The following STOX2 variants were observed in gnomAD, a reference collection of about 807,000 sequenced individuals.
The protein encoded by STOX2 is storkhead-box protein 2.
In STOX2, 28 loss-of-function variants were observed where a neutral mutation model predicts 60.9. The ratio of observed to expected loss-of-function variants is 0.46; its 90% CI spans 0.34 to 0.63. The LOEUF (loss-of-function observed/expected upper bound fraction) is 0.63, where lower values mean the gene tolerates loss of function less well. STOX2 is among the 30% of genes least tolerant of loss of function. The probability of loss-of-function intolerance (pLI) is 0.01; values close to 1 mark genes in which losing one functional copy is unlikely to be tolerated. For synonymous variants in STOX2, 472 were observed against 463.9 expected, an observed-to-expected ratio of 1.02 and a Z score of -0.22; for missense variants, 1,024 against 1,187.7, an observed-to-expected ratio of 0.86 and a Z score of 2.03.
intron 1 of STOX2, among the ~76,000 whole-genome samples, chr4:183,917,175 A>G (rs1741955809): frequency 1.3e-5 from 2 of 152,206 alleles, no homozygotes; most frequent in African/African-American, 2.4e-5. Context: ...CAGTGGCTTC[A>G]GTGGACTCTG....
At chr4:183,800,066 G>A (rs1170136541) in intron 1 of STOX2, among the ~76,000 whole-genome samples, 7 of 151,584 alleles carry the variant, frequency 4.6e-5, no homozygotes, top group African/African-American at 1.7e-4. Flanking sequence ...ACTGCCTGGG[G>A]GGTGGGGTGG....
intron 1 of STOX2, among the ~76,000 whole-genome samples, chr4:183,845,519 C>T (rs1340707076): frequency 6.6e-6 from 1 of 152,066 alleles, no homozygotes; most frequent in Admixed American, 6.6e-5. Context: ...AAGTGGAGAG[C>T]CATCTGAGGC....
At chr4:183,840,446 C>G (rs1200646903) in intron 1 of STOX2, among the ~76,000 whole-genome samples, 1 of 152,148 alleles carries the variant, frequency 6.6e-6, no homozygotes, top group African/African-American at 2.4e-5. Context: ...ATGGCAGAAG[C>G]CATCTGACGT....
At chr4:184,007,413 C>T (rs774483487) in intron 2 of STOX2, among the ~76,000 whole-genome samples, 3 of 152,146 alleles carry the variant, frequency 2.0e-5, no homozygotes, top group Non-Finnish European at 4.4e-5. Flanking sequence ...TTCCGTGGGT[C>T]CCGACCCAAA....
rs1032509834 is a variant in STOX2 at position 183,969,320 on chromosome 4, A to G, written c.167-32005A>G. 2.6e-5 allele frequency among the ~76,000 whole-genome samples: 4 copies of G among 152,248 alleles called. No homozygotes were observed. In the East Asian group the frequency reaches 7.7e-4, roughly 29 times the overall value. On this transcript the variant is annotated intron_variant, in intron 1 of 3. Transcript: ENST00000308497. ...AATGCAGCATGGTTTTTTATTATAG[A>G]AGAGCTTACAGACAACTTGTATTGA...
chr4:183,820,863 A>T lies in STOX2; in HGVS notation c.364+22808A>T, dbSNP rs951638801. On this transcript the variant is annotated intron_variant, in intron 1 of 2. Transcript: ENST00000513034. ...GGTGGTTAACTCCTATAGTCCCAGCACTGTGGTAGGCCGAGGTAGAAGGAT... is the reference window on the plus strand; with the variant it reads ...GGTGGTTAACTCCTATAGTCCCAGCTCTGTGGTAGGCCGAGGTAGAAGGAT... Among the ~76,000 whole-genome samples the T allele has an allele frequency of 3.6e-4, 54 of 152,060 alleles. 1 individual carries two copies. The highest frequency in any genetic ancestry group is 8.8e-5 in the Non-Finnish European group (6 of 68,002).
At chr4:183,805,946 C>T (rs934448902) in intron 1 of STOX2, among the ~76,000 whole-genome samples, 1 of 152,160 alleles carries the variant, frequency 6.6e-6, no homozygotes, top group Non-Finnish European at 1.5e-5. Flanking sequence ...CCAGAGCTGG[C>T]GGTGTGTCTT....
intron 1 of STOX2, among the ~76,000 whole-genome samples, chr4:183,949,109 A>G (rs1342370676): frequency 6.6e-6 from 1 of 152,120 alleles, no homozygotes; most frequent in Non-Finnish European, 1.5e-5. Context: ...TCATGGAGAA[A>G]TTGAAGCTAT....
intron 1 of STOX2, among the ~76,000 whole-genome samples, chr4:183,978,742 C>G (rs1028619093): frequency 3.9e-5 from 6 of 152,174 alleles, no homozygotes; most frequent in Non-Finnish European, 8.8e-5. Context: ...TTATATGACA[C>G]TCTAGAAATG....
At chr4:183,908,203 C>G (rs1195352417) in intron 1 of STOX2, among the ~76,000 whole-genome samples, 1 of 152,214 alleles carries the variant, frequency 6.6e-6, no homozygotes, top group African/African-American at 2.4e-5. Context: ...GGCAATAAGG[C>G]TCCCTTGATT....
chr4:184,005,979 T>C (rs1327418450), intron 2 of STOX2, among the ~76,000 whole-genome samples: 1 of 152,234 alleles, frequency 6.6e-6, no homozygotes, highest in Non-Finnish European at 1.5e-5. Flanking sequence ...AATTTTTCTC[T>C]ATTTTTCTTT....
rs983293496 is a variant in STOX2, at chr4:183,825,855, A to C, written c.364+27800A>C. On this transcript the variant is annotated intron_variant, in intron 1 of 2. Coordinates refer to the STOX2 transcript ENST00000513034. The surrounding 1 kb of genome is among the most constrained non-coding windows in gnomAD (Gnocchi z 4.1). ...ATCAAATCAGTGTTTGGGGAAGTTT[A>C]GTCTGGGAACGAGTATGGCAGTCAG... Among the ~76,000 whole-genome samples, 45 of 152,222 alleles carry C rather than the reference A, an allele frequency of 3.0e-4. No homozygotes were observed. The highest frequency in any genetic ancestry group is 1.0e-3 in the African/African-American group (43 of 41,536).
intron 1 of STOX2, among the ~76,000 whole-genome samples, chr4:183,972,699 AT>A (rs1349679755): frequency 6.6e-6 from 1 of 152,226 alleles, no homozygotes; most frequent in Non-Finnish European, 1.5e-5. Context: ...TGTCCTTAGG[AT>A]TTAAAGACTC....
chr4:183,847,898 T>TA (rs1342699812), intron 1 of STOX2, among the ~76,000 whole-genome samples: 1 of 152,158 alleles, frequency 6.6e-6, no homozygotes, highest in Non-Finnish European at 1.5e-5. Context: ...AGTGTGTATA[T>TA]AAAAGAAAAC....
At chr4:183,837,055 A>G (rs914455105) in intron 1 of STOX2, among the ~76,000 whole-genome samples, 3 of 152,148 alleles carry the variant, frequency 2.0e-5, no homozygotes, top group Admixed American at 2.0e-4. Context: ...GGATAAACAC[A>G]TAGACTGACA....
intron 1 of STOX2, among the ~76,000 whole-genome samples, chr4:183,873,929 G>A (rs974355760): frequency 2.6e-5 from 4 of 152,206 alleles, no homozygotes; most frequent in African/African-American, 7.2e-5. Context: ...ATTGGAGAGC[G>A]TGGATGAGCT....
chr4:183,924,776 A>G (rs1268667479), intron 1 of STOX2, among the ~76,000 whole-genome samples: 1 of 152,152 alleles, frequency 6.6e-6, no homozygotes. Context: ...GAGGAATTCC[A>G]TGCCTGGCGG....
chr4:183,835,302 G>A (rs950177967), intron 1 of STOX2, among the ~76,000 whole-genome samples: 4 of 150,416 alleles, frequency 2.7e-5, no homozygotes, highest in Non-Finnish European at 5.9e-5. Context: ...TCAGTGCACT[G>A]CAAGCTCCGC....
At chr4:183,902,181 C>T (rs1741477534), upstream of STOX2, among the ~76,000 whole-genome samples, 3 of 152,172 alleles carry the variant, frequency 2.0e-5, no homozygotes, top group South Asian at 6.2e-4. Context: ...AAATATCCCT[C>T]ATCCTTATGG....
Sources: allele counts gnomAD v4.1 joint callset (sites outside exome capture counted in the v4.1 genomes callset), GRCh38; gene constraint gnomAD v4.1.1; non-coding constraint Gnocchi (gnomAD v3.1); transcripts MANE v1.5; gene names NCBI Gene and HGNC (gene_info 2026-07-23, HGNC 2026-07-21).